PTPRD: variants seen among roughly 807,000 people sequenced by gnomAD.
PTPRD encodes the protein protein tyrosine phosphatase receptor type D, also known as receptor-type tyrosine-protein phosphatase delta.
A neutral mutation model predicts 214.5 loss-of-function variants in PTPRD; 34 were observed. The ratio of observed to expected loss-of-function variants is 0.16; its 90% confidence interval spans 0.12 to 0.21. The LOEUF (loss-of-function observed/expected upper bound fraction) is 0.21. Ranked by LOEUF, PTPRD falls within the 10% of genes least tolerant of loss-of-function variation. The probability of loss-of-function intolerance (pLI) is 1.00; values close to 1 mark genes in which losing one functional copy is unlikely to be tolerated. For missense variants in PTPRD, 2,545 were observed against 2,398.7 expected (o/e 1.06, Z -1.27); for synonymous variants, 1,128 against 845.7 (o/e 1.33, Z -5.79).
chr9:8,330,864 GATTAGATGTCAA>G (rs1839849979), intron 44 of PTPRD, among the ~76,000 whole-genome samples: 1 of 152,056 alleles, frequency 6.6e-6, no homozygotes. Flanking sequence ...ACCATAAAAA[GATTAGATGTCAA>G]GTTGCCAGAA....
chr9:8,527,261 C>G, intron 16 of PTPRD, 84 bp downstream of exon 16: 8 of 1,381,206 alleles, frequency 5.8e-6, no homozygotes, highest in African/African-American at 1.5e-5. Flanking sequence ...AAAATGCATG[C>G]CATGCATTTT....
chr9:9,641,739 T>C (rs1250949086), intron 7 of PTPRD, among the ~76,000 whole-genome samples: 2 of 152,098 alleles, frequency 1.3e-5, no homozygotes, highest in Non-Finnish European at 2.9e-5. Flanking sequence ...TAACTGTGGG[T>C]CTGAAGAAAC....
chr9:8,811,217 T>G (rs926151849), intron 11 of PTPRD, among the ~76,000 whole-genome samples: 13 of 152,174 alleles, frequency 8.5e-5, no homozygotes, highest in African/African-American at 3.1e-4. Flanking sequence ...CATCTCCTTT[T>G]CGGCTTGAGA....
chr9:8,733,872 C>G lies in PTPRD; in HGVS notation c.-29G>C, dbSNP rs1270311019. The stretch of plus-strand genomic sequence containing the variant: ...GCAGCTTGGCAGCAGCGTGCGCGAG[C>G]AGCTTGGAATCACTGCCTCCGGAGC... On this transcript the variant is annotated 5_prime_UTR_variant, in exon 12 of 46. Coordinates refer to ENST00000381196, the MANE Select transcript of PTPRD (RefSeq NM_002839.4). The G allele has an allele frequency of 6.5e-7, 1 of 1,548,780 alleles. No homozygotes were observed. Among genetic ancestry groups the G allele is most frequent in the Admixed American group, 2.0e-5 (1 of 50,982 alleles).
chr9:8,492,852 A>G lies in PTPRD; in HGVS notation c.2467+10T>C, dbSNP rs369125481. On this transcript the variant is annotated intron_variant, in intron 27 of 45. Transcript: ENST00000381196. The stretch of plus-strand genomic sequence containing the variant: ...CTGTTCAAGGCACATACATGCACAG[A>G]CATGATTACCTGCCCCAGTGGTGGA... 6.2e-7 allele frequency: 1 copy of G among 1,602,766 alleles called. No individual in the cohort carries two copies. Among genetic ancestry groups the G allele is most frequent in the African/African-American group, 1.3e-5 (1 of 74,716 alleles).
chr9:9,068,777 A>G (rs1037515196), intron 10 of PTPRD, among the ~76,000 whole-genome samples: 6 of 151,776 alleles, frequency 4.0e-5, no homozygotes, highest in African/African-American at 7.3e-5. Context: ...ATACCTAGCT[A>G]ATTTTTGTAT....
At chr9:10,065,165 A>AAGAT (rs2097853215) in intron 3 of PTPRD, among the ~76,000 whole-genome samples, 1 of 150,618 alleles carries the variant, frequency 6.6e-6, no homozygotes, top group Non-Finnish European at 1.5e-5. Context: ...GAAAGAAAGA[A>AAGAT]AGAAAGAAAG....
intron 7 of PTPRD, among the ~76,000 whole-genome samples, chr9:9,586,406 G>A (rs952927223): frequency 3.9e-5 from 6 of 151,998 alleles, no homozygotes; most frequent in South Asian, 4.1e-4. Context: ...TCATAAGTAC[G>A]CAGTAAGATT....
chr9:8,991,463 G>A (rs73437892), intron 11 of PTPRD, among the ~76,000 whole-genome samples: 61 of 151,956 alleles, frequency 4.0e-4, no homozygotes, highest in African/African-American at 1.1e-3. Flanking sequence ...TTTAATTTCC[G>A]TTAACTCTAA....
intron 11 of PTPRD, among the ~76,000 whole-genome samples, chr9:9,001,664 G>A (rs371150874): frequency 6.6e-6 from 1 of 151,916 alleles, no homozygotes; most frequent in Admixed American, 6.6e-5. Flanking sequence ...AGGTTTTTTG[G>A]ACTACCATTG....
rs565602455 is a variant in PTPRD at position 8,393,886 on chromosome 9, A to G, written c.4211-4479T>C. 2.9e-4 allele frequency among the ~76,000 whole-genome samples: 44 copies of G among 152,212 alleles called. 1 individual carries two copies. The highest frequency in any genetic ancestry group is 2.6e-3 in the Admixed American group (40 of 15,266). On this transcript the variant is annotated intron_variant, in intron 36 of 45. Coordinates refer to ENST00000381196, the MANE Select transcript of PTPRD (RefSeq NM_002839.4). ...CTTTCTTGTGGCATTTAAAAATATTACTTACATGCTTTATACTGGGTCTTT... is the reference window on the plus strand; with the variant it reads ...CTTTCTTGTGGCATTTAAAAATATTGCTTACATGCTTTATACTGGGTCTTT...
intron 33 of PTPRD, among the ~76,000 whole-genome samples, chr9:8,453,400 G>GT (rs1323536323): frequency 6.6e-6 from 1 of 152,184 alleles, no homozygotes; most frequent in Non-Finnish European, 1.5e-5. Flanking sequence ...TCCTGACCTT[G>GT]TGATCCACCC....
intron 34 of PTPRD, 32 bp from the exon 35 acceptor site, chr9:8,436,721 GA>G: frequency 6.6e-7 from 1 of 1,511,224 alleles, no homozygotes. Flanking sequence ...AAACACATTT[GA>G]AAACAAATGA....
At chr9:9,711,981 T>C (rs549680090) in intron 7 of PTPRD, among the ~76,000 whole-genome samples, 7 of 152,306 alleles carry the variant, frequency 4.6e-5, no homozygotes, top group Admixed American at 3.9e-4. Flanking sequence ...TTCTGATGCA[T>C]GAATGTACAT....
At chr9:10,217,560 C>T (rs1460616774) in intron 3 of PTPRD, among the ~76,000 whole-genome samples, 3 of 151,876 alleles carry the variant, frequency 2.0e-5, no homozygotes, top group African/African-American at 4.8e-5. Context: ...AAATATTCTA[C>T]TGTAGGAGGC....
chr9:9,016,959 C>T (rs150009749), intron 11 of PTPRD, among the ~76,000 whole-genome samples: 8 of 152,038 alleles, frequency 5.3e-5, no homozygotes, highest in Non-Finnish European at 1.2e-4. Context: ...GATTTAGAGT[C>T]AATGGGCGTT....
chr9:8,379,728 A>C (rs1245235545), intron 37 of PTPRD, among the ~76,000 whole-genome samples: 1 of 152,164 alleles, frequency 6.6e-6, no homozygotes, highest in African/African-American at 2.4e-5. Flanking sequence ...TGAGATGAGA[A>C]ATGAAGGCAG....
Position 10,338,050 on chromosome 9 carries a change from T to A in PTPRD, c.-545+2913A>T, listed in dbSNP as rs1387616888. Among the ~76,000 whole-genome samples, 3 of 151,672 alleles carry A rather than the reference T, an allele frequency of 2.0e-5. No homozygotes were observed. In the East Asian group the frequency reaches 5.8e-4, roughly 29 times the overall value. On this transcript the variant is annotated intron_variant, in intron 3 of 45. Transcript: ENST00000381196. Reference sequence around the variant, plus strand: ...TATCAGGTATTAAAGAGTCATGAAGTAAGTTTATTCATATCATATGAGCTT... The same window carrying A: ...TATCAGGTATTAAAGAGTCATGAAGAAAGTTTATTCATATCATATGAGCTT...
At chr9:10,347,285 G>T (rs578249677) in intron 2 of PTPRD, among the ~76,000 whole-genome samples, 1 of 151,258 alleles carries the variant, frequency 6.6e-6, no homozygotes, top group South Asian at 2.1e-4. Context: ...TTATTTCTTT[G>T]TAAATAAAAT....
Sources: allele counts gnomAD v4.1 joint callset (sites outside exome capture counted in the v4.1 genomes callset), GRCh38; gene constraint gnomAD v4.1.1; transcripts MANE v1.5; gene names NCBI Gene and HGNC (gene_info 2026-07-23, HGNC 2026-07-21).